The following PCGF5 variants were observed in gnomAD, a reference collection of about 807,000 sequenced individuals.
PCGF5 encodes polycomb group RING finger protein 5.
PCGF5 carries 9 observed loss-of-function variants against 44.3 expected under a neutral mutation model. The observed-to-expected ratio is 0.20, with a 90% CI of 0.12 to 0.35. The LOEUF (loss-of-function observed/expected upper bound fraction) is 0.35. Ranked by LOEUF, PCGF5 falls within the 10% of genes least tolerant of loss-of-function variation. The pLI is 1.00. For synonymous variants in PCGF5, 95 were observed against 102.5 expected (o/e 0.93, Z 0.44); for missense variants, 146 against 305.3 (o/e 0.48, Z 3.89).
chr10:91,177,683 A>C (rs944083027), intron 1 of PCGF5, among the ~76,000 whole-genome samples: 10 of 152,222 alleles, frequency 6.6e-5, no homozygotes, highest in Non-Finnish European at 1.3e-4. Context: ...GCGAGGCTCC[A>C]TAGGCGTAGG....
At chr10:91,268,813 T>G (rs569102708) in intron 8 of PCGF5, among the ~76,000 whole-genome samples, 1 of 152,146 alleles carries the variant, frequency 6.6e-6, no homozygotes, top group Non-Finnish European at 1.5e-5. Context: ...TTTTCTATGG[T>G]CCCTGCCCTC....
intron 2 of PCGF5, among the ~76,000 whole-genome samples, chr10:91,233,575 AATT>A (rs1845070487): frequency 6.6e-6 from 1 of 152,208 alleles, no homozygotes; most frequent in African/African-American, 2.4e-5. Context: ...ATAAGAGAAT[AATT>A]AGTTCATTAT....
chr10:91,243,472 CAGTA>C (rs1281718780), intron 3 of PCGF5, among the ~76,000 whole-genome samples: 2 of 152,142 alleles, frequency 1.3e-5, no homozygotes, highest in Non-Finnish European at 2.9e-5. Flanking sequence ...TACTTTTTCT[CAGTA>C]AGCTATTGGG....
At chr10:91,262,172 C>T (rs1044713035) in intron 7 of PCGF5, among the ~76,000 whole-genome samples, 8 of 152,158 alleles carry the variant, frequency 5.3e-5, no homozygotes, top group African/African-American at 1.9e-4. Context: ...TGCCTGTAAT[C>T]CCAGCACTTG....
At chr10:91,172,925 G>C (rs1015049594) in intron 1 of PCGF5, among the ~76,000 whole-genome samples, 21 of 152,180 alleles carry the variant, frequency 1.4e-4, no homozygotes, top group African/African-American at 5.1e-4. Context: ...AAAGTAGAAA[G>C]TTCTTTGTCC....
intron 1 of PCGF5, among the ~76,000 whole-genome samples, chr10:91,181,958 A>G (rs963166691): frequency 3.9e-5 from 6 of 152,082 alleles, no homozygotes; most frequent in Admixed American, 3.9e-4. Context: ...TCTTCTTTGT[A>G]CAATTTCAGA....
chr10:91,172,336 T>C (rs1012557212), intron 1 of PCGF5, among the ~76,000 whole-genome samples: 2 of 152,096 alleles, frequency 1.3e-5, no homozygotes, highest in African/African-American at 4.8e-5. Flanking sequence ...GAAGAATCAT[T>C]TGAACCCAGG....
intron 6 of PCGF5, among the ~76,000 whole-genome samples, chr10:91,255,382 A>G (rs552310435): frequency 6.6e-6 from 1 of 152,156 alleles, no homozygotes; most frequent in African/African-American, 2.4e-5. Context: ...GTAGAGTTGT[A>G]TGCATGTTCA....
At chr10:91,228,079 G>A in intron 2 of PCGF5, 2 of 371,866 alleles carry the variant, frequency 5.4e-6, no homozygotes, top group Non-Finnish European at 7.4e-6. Context: ...GATCTACATA[G>A]GCATCTTTGG....
intron 1 of PCGF5, among the ~76,000 whole-genome samples, chr10:91,205,024 A>G (rs1844319423): frequency 6.6e-6 from 1 of 152,186 alleles, no homozygotes; most frequent in South Asian, 2.1e-4. Context: ...TACATAAACA[A>G]TTTTTTAAAA....
chr10:91,187,947 CT>C (rs562653417), intron 1 of PCGF5, among the ~76,000 whole-genome samples: 2,681 of 145,604 alleles, frequency 0.018, 69 homozygotes, highest in African/African-American at 0.057. Flanking sequence ...ATGGATGATT[CT>C]TTTTTTTTTT....
chr10:91,214,277 G>A (rs1271174647), intron 1 of PCGF5, among the ~76,000 whole-genome samples: 2 of 151,612 alleles, frequency 1.3e-5, no homozygotes, highest in Non-Finnish European at 2.9e-5. Flanking sequence ...ATTCTGGCCT[G>A]GGAGACAGAC....
At chr10:91,178,002 G>A (rs1419294244) in intron 1 of PCGF5, among the ~76,000 whole-genome samples, 4 of 152,284 alleles carry the variant, frequency 2.6e-5, no homozygotes, top group East Asian at 3.9e-4. Context: ...ATTCTGCGTC[G>A]CTCACACTGG....
chr10:91,235,751 G>A (rs1457940865), intron 2 of PCGF5, among the ~76,000 whole-genome samples: 3 of 152,296 alleles, frequency 2.0e-5, no homozygotes, highest in African/African-American at 7.2e-5. Context: ...AAAAAGAGGA[G>A]TTCCCTTGCA....
chr10:91,231,686 A>G (rs914153126), intron 2 of PCGF5, among the ~76,000 whole-genome samples: 4 of 152,208 alleles, frequency 2.6e-5, no homozygotes, highest in Admixed American at 6.5e-5. Flanking sequence ...TCTGAGAGAA[A>G]TGAAGATCCG....
In PCGF5 at chr10:91,222,907, T is replaced by C; in HGVS notation, c.36T>C (p.Phe12=). 3.1e-6 allele frequency: 5 copies of C among 1,613,640 alleles called. No individual in the cohort carries two copies. Among genetic ancestry groups the C allele is most frequent in the Non-Finnish European group, 4.2e-6 (5 of 1,179,500 alleles). ...ATQRKHLVKD[F]NPYITCYICK... Reference sequence around the variant, plus strand: ...AAAGGAAACACTTGGTGAAAGATTTTAATCCTTACATTACCTGCTATATCT... The same window carrying C: ...AAAGGAAACACTTGGTGAAAGATTTCAATCCTTACATTACCTGCTATATCT... Residue 12 remains phenylalanine, a synonymous_variant, in exon 2 of 10, where the codon TTT becomes TTC. Coordinates refer to ENST00000336126, the MANE Select transcript of PCGF5 (RefSeq NM_032373.5).
At chr10:91,271,919 ATTAC>A (rs1846190718) in intron 9 of PCGF5, among the ~76,000 whole-genome samples, 1 of 152,214 alleles carries the variant, frequency 6.6e-6, no homozygotes, top group Non-Finnish European at 1.5e-5. Flanking sequence ...TGTTAAGGCT[ATTAC>A]TTATGAATCA....
chr10:91,178,894 G>A (rs1843765481), intron 1 of PCGF5, among the ~76,000 whole-genome samples: 1 of 152,154 alleles, frequency 6.6e-6, no homozygotes, highest in South Asian at 2.1e-4. Flanking sequence ...ATTATTATTT[G>A]GAAGTTAGAT....
intron 9 of PCGF5, among the ~76,000 whole-genome samples, chr10:91,272,534 A>T (rs1846204347): frequency 6.6e-6 from 1 of 152,100 alleles, no homozygotes. Flanking sequence ...GCATTTTGGG[A>T]GACTGAGGCG....
Sources: gnomAD v4.1 joint callset for allele counts (sites outside exome capture counted in the v4.1 genomes callset) on GRCh38, gnomAD v4.1.1 for gene constraint, MANE v1.5 for transcripts, NCBI Gene and HGNC (gene_info 2026-07-23, HGNC 2026-07-21) for gene names.